MECOM: variants seen among roughly 807,000 people sequenced by gnomAD.
The protein encoded by MECOM is MDS1 and EVI1 complex locus.
A neutral mutation model predicts 116.3 loss-of-function variants in MECOM; 13 were observed. The ratio of observed to expected loss-of-function variants is 0.11; its 90% CI spans 0.07 to 0.18. The LOEUF is 0.18. Among genes scored for constraint, MECOM ranks in the 10% least tolerant of loss-of-function variants. The probability of loss-of-function intolerance (pLI) is 1.00; values close to 1 mark genes in which losing one functional copy is unlikely to be tolerated. For missense variants in MECOM, 1,299 were observed against 1,509.0 expected, an observed-to-expected ratio of 0.86 and a Z score of 2.31; for synonymous variants, 528 against 535.2, an observed-to-expected ratio of 0.99 and a Z score of 0.19.
chr3:169,593,151 C>T (rs1275280504), intron 1 of MECOM, among the ~76,000 whole-genome samples: 2 of 152,180 alleles, frequency 1.3e-5, no homozygotes, highest in African/African-American at 4.8e-5. Flanking sequence ...TCAGCCTCCT[C>T]AGAAGCTGGG....
intron 2 of MECOM, among the ~76,000 whole-genome samples, chr3:169,278,200 C>T (rs1415237237): frequency 6.6e-6 from 1 of 152,180 alleles, no homozygotes; most frequent in Non-Finnish European, 1.5e-5. Context: ...TCTTATTTCT[C>T]ACTCTCTCTT....
chr3:169,335,006 G>A (rs185629933), intron 2 of MECOM, among the ~76,000 whole-genome samples: 1 of 152,278 alleles, frequency 6.6e-6, no homozygotes, highest in Admixed American at 6.5e-5. Flanking sequence ...AAGGGCTCCA[G>A]TTCTGCTGGC....
intron 1 of MECOM, among the ~76,000 whole-genome samples, chr3:169,565,493 C>A (rs973712079): frequency 2.0e-5 from 3 of 152,180 alleles, no homozygotes; most frequent in African/African-American, 7.2e-5. Context: ...AAGGTTGCTG[C>A]CAGCCTTGGC....
chr3:169,421,660 C>A (rs927898320), intron 1 of MECOM, among the ~76,000 whole-genome samples: 5 of 151,674 alleles, frequency 3.3e-5, no homozygotes, highest in Non-Finnish European at 7.4e-5. Context: ...GTTGGCAAAC[C>A]AATCACTTAT....
chr3:169,213,086 T>A (rs1257855051), intron 2 of MECOM, among the ~76,000 whole-genome samples: 3 of 151,862 alleles, frequency 2.0e-5, no homozygotes, highest in African/African-American at 7.3e-5. Context: ...TTATTTTTTT[T>A]AATACTTTTC....
At chr3:169,118,573 A>T (rs1043654696) in intron 7 of MECOM, among the ~76,000 whole-genome samples, 1 of 152,174 alleles carries the variant, frequency 6.6e-6, no homozygotes, top group African/African-American at 2.4e-5. Flanking sequence ...TTATTATTGG[A>T]ATTATAAAAA....
chr3:169,345,924 C>T (rs1725265958), intron 2 of MECOM, among the ~76,000 whole-genome samples: 1 of 152,036 alleles, frequency 6.6e-6, no homozygotes, highest in Admixed American at 6.6e-5. Context: ...AGCCAATTAT[C>T]GAAAAGTTCT....
intron 2 of MECOM, among the ~76,000 whole-genome samples, chr3:169,366,089 T>C (rs1729116578): frequency 6.6e-6 from 1 of 151,984 alleles, no homozygotes; most frequent in Non-Finnish European, 1.5e-5. Context: ...TCAAACAGTG[T>C]TACTGTAGCT....
intron 2 of MECOM, among the ~76,000 whole-genome samples, chr3:169,377,745 A>G (rs1731285093): frequency 6.6e-6 from 1 of 152,194 alleles, no homozygotes; most frequent in Non-Finnish European, 1.5e-5. Flanking sequence ...TAGTTCGACC[A>G]TTGTGGAAGA....
At chr3:169,383,090 T>C (rs1464075381) in intron 1 of MECOM, among the ~76,000 whole-genome samples, 1 of 152,100 alleles carries the variant, frequency 6.6e-6, no homozygotes, top group Non-Finnish European at 1.5e-5. Context: ...ACCTTCATTA[T>C]TCAGATTTAT....
At chr3:169,362,371 G>T (rs1728445106) in intron 2 of MECOM, among the ~76,000 whole-genome samples, 1 of 151,892 alleles carries the variant, frequency 6.6e-6, no homozygotes, top group Non-Finnish European at 1.5e-5. Context: ...AGACTTCAGA[G>T]GGTAAAGTCA....
intron 3 of MECOM, 132 bp downstream of exon 3, chr3:169,143,566 T>A (rs1326081221): frequency 5.2e-6 from 4 of 764,794 alleles, no homozygotes; most frequent in East Asian, 3.1e-5. Flanking sequence ...TACTTATATT[T>A]GTGCATTATC....
intron 2 of MECOM, among the ~76,000 whole-genome samples, chr3:169,321,294 C>T (rs182250485): frequency 4.6e-5 from 7 of 152,314 alleles, no homozygotes; most frequent in Non-Finnish European, 1.0e-4. Context: ...GTAATCCCAG[C>T]ACTTTGGGAG....
chr3:169,453,129 G>A (rs1228004343), intron 1 of MECOM, among the ~76,000 whole-genome samples: 1 of 152,122 alleles, frequency 6.6e-6, no homozygotes, highest in South Asian at 2.1e-4. Context: ...AATATACAGA[G>A]GTGGTTAATT....
chr3:169,330,731 T>A (rs1446095739), intron 2 of MECOM, among the ~76,000 whole-genome samples: 1 of 151,942 alleles, frequency 6.6e-6, no homozygotes, highest in African/African-American at 2.4e-5. Context: ...CAAAAAAAAA[T>A]AAATGTAATC....
intron 1 of MECOM, among the ~76,000 whole-genome samples, chr3:169,535,191 A>G (rs1340840573): frequency 6.6e-6 from 1 of 152,176 alleles, no homozygotes; most frequent in Non-Finnish European, 1.5e-5. Flanking sequence ...GTCCCACTTG[A>G]TGCGAAAGCC....
intron 2 of MECOM, among the ~76,000 whole-genome samples, chr3:169,212,636 GTATATATATA>G (rs61115570): frequency 3.1e-3 from 82 of 26,062 alleles, no homozygotes; most frequent in South Asian, 9.2e-3. Flanking sequence ...AGTCAGCAAT[GTATATATATA>G]TATATATATA....
At chr3:169,140,083 C>A (rs1737649778) in intron 3 of MECOM, among the ~76,000 whole-genome samples, 1 of 151,708 alleles carries the variant, frequency 6.6e-6, no homozygotes, top group African/African-American at 2.4e-5. Context: ...TGCTTCCTCT[C>A]TATATTGGTC....
chr3:169,347,300 G>T (rs954576013), intron 2 of MECOM, among the ~76,000 whole-genome samples: 1 of 151,948 alleles, frequency 6.6e-6, no homozygotes, highest in African/African-American at 2.4e-5. Context: ...AAAAGAATTA[G>T]CTACATAGAG....
Sources: allele counts gnomAD v4.1 joint callset (sites outside exome capture counted in the v4.1 genomes callset), GRCh38; gene constraint gnomAD v4.1.1; transcripts MANE v1.5; gene names NCBI Gene and HGNC (gene_info 2026-07-23, HGNC 2026-07-21).